The following LRRC47 variants were observed in gnomAD, a reference collection of about 807,000 sequenced individuals.
LRRC47 encodes the protein leucine rich repeat containing 47, also known as leucine-rich repeat-containing protein 47.
Under a neutral mutation model 40.9 loss-of-function variants are expected in LRRC47, and 31 were observed. The ratio of observed to expected loss-of-function variants is 0.76; its 90% confidence interval spans 0.57 to 1.02. The LOEUF is 1.02. Among genes scored for constraint, LRRC47 ranks in the 50% least tolerant of loss-of-function variants. LRRC47 has a pLI of 0.00. For synonymous variants in LRRC47, 427 were observed against 371.9 expected (o/e 1.15, Z -1.70); for missense variants, 726 against 796.1 (o/e 0.91, Z 1.06).
In LRRC47 at chr1:3,784,638, C is replaced by A. The variant is rs79196914; in HGVS notation, c.1194+449G>T. ...CACAGCTGTGCACCGCTTCGAGTAA[C>A]CGCAAACGCGGTCTGTTTCATTATT... On this transcript the variant is annotated intron_variant, in intron 3 of 6. Coordinates refer to ENST00000378251, the MANE Select transcript of LRRC47 (RefSeq NM_020710.3). 1.8e-3 allele frequency among the ~76,000 whole-genome samples: 281 copies of A among 152,364 alleles called. 1 individual carries two copies. Among genetic ancestry groups the A allele is most frequent in the Middle Eastern group, 3.4e-3 (1 of 294 alleles).
Position 3,780,891 on chromosome 1 carries a change from G to A in LRRC47, c.*197C>T, listed in dbSNP as rs568176088. 3.8e-5 allele frequency: 28 copies of A among 732,272 alleles called. No homozygotes were observed. In the South Asian group the frequency reaches 4.8e-4, roughly 13 times the overall value. 45.4% of individuals were successfully genotyped at this position (732,272 alleles called of 1,614,324 possible). A position where few individuals can be genotyped will look rare whatever the true frequency, so the allele number is the denominator to read the frequency against. ...CTTGGGAGGCTGAGGCAGGAGAATC[G>A]CTTGAACCCAGGAGACACAGGCTGC... On this transcript the variant is annotated 3_prime_UTR_variant, in exon 7 of 7. Coordinates refer to ENST00000378251, the MANE Select transcript of LRRC47 (RefSeq NM_020710.3).
rs1476783315 is a variant in LRRC47 at position 3,778,643 on chromosome 1, T to C, written c.*2445A>G. 6.5e-6 allele frequency: 1 copy of C among 153,520 alleles called. No homozygotes were observed. Among genetic ancestry groups the C allele is most frequent in the Non-Finnish European group, 1.5e-5 (1 of 68,228 alleles). 9.5% of individuals were successfully genotyped at this position (153,520 alleles called of 1,614,324 possible). Reference sequence around the variant, plus strand: ...AGAGACACCTGTGCTGCGAGTTAAATACATTTCCAGCATCTCACGCATCAC... The same window carrying C: ...AGAGACACCTGTGCTGCGAGTTAAACACATTTCCAGCATCTCACGCATCAC... On this transcript the variant is annotated 3_prime_UTR_variant, in exon 7 of 7. Coordinates refer to ENST00000378251, the MANE Select transcript of LRRC47 (RefSeq NM_020710.3).
chr1:3,780,211 ACAAGC>A lies in LRRC47; in HGVS notation c.*872_*876del, dbSNP rs1643505090. On this transcript the variant is annotated 3_prime_UTR_variant, in exon 7 of 7. Transcript: ENST00000378251. ...TGCTGTGTGATCACAGAGTCTTTAC[ACAAGC>A]CTCGATGGTGCATGTAGTTTTATTT... 3.3e-5 allele frequency: 5 copies of A among 152,190 alleles called. No homozygotes were observed. The highest frequency in any genetic ancestry group is 1.2e-4 in the African/African-American group (5 of 41,440). 9.4% of individuals were successfully genotyped at this position (152,190 alleles called of 1,614,324 possible).
intron 4 of LRRC47, 24 bp downstream of exon 4, chr1:3,783,972 C>A: frequency 1.3e-6 from 2 of 1,585,118 alleles, no homozygotes; most frequent in East Asian, 2.3e-5. Context: ...GGCCCGGCCC[C>A]ACCCCACCAG....
rs867113089 is a variant in LRRC47 at position 3,790,415 on chromosome 1, G to A, written c.616-3105C>T. Among the ~76,000 whole-genome samples the A allele has an allele frequency of 2.6e-4, 39 of 152,218 alleles. 1 individual carries two copies. The highest frequency in any genetic ancestry group is 8.0e-4 in the African/African-American group (33 of 41,456). Reference sequence around the variant, plus strand: ...GAAAGGATGTCTTTACTAAGGCACCGTCCTGCCCACATCAGCTGTTCAGGT... The same window carrying A: ...GAAAGGATGTCTTTACTAAGGCACCATCCTGCCCACATCAGCTGTTCAGGT... On this transcript the variant is annotated intron_variant, in intron 1 of 6. Transcript: ENST00000378251.
rs373817180 is a variant in LRRC47 at position 3,786,838 on chromosome 1, C to G, written c.1077+11G>C. 1.3e-6 allele frequency: 2 copies of G among 1,571,262 alleles called. No homozygotes were observed. The highest frequency in any genetic ancestry group is 1.2e-5 in the South Asian group (1 of 85,102). On this transcript the variant is annotated intron_variant, in intron 2 of 6. Transcript: ENST00000378251. Reference sequence around the variant, plus strand: ...TGTCCCAGTCATCTGAGGACCCCCACGGGCACCCACCTGCGAGGTGAGGAA... The same window carrying G: ...TGTCCCAGTCATCTGAGGACCCCCAGGGGCACCCACCTGCGAGGTGAGGAA...
intron 1 of LRRC47, among the ~76,000 whole-genome samples, chr1:3,794,972 T>C (rs943141396): frequency 6.9e-6 from 1 of 143,966 alleles, no homozygotes; most frequent in Non-Finnish European, 1.5e-5. Context: ...AAGAACCGCT[T>C]GAACCCGGGA....
At chr1:3,786,815 T>TC in intron 2 of LRRC47, 34 bp downstream of exon 2, 1 of 1,535,962 alleles carries the variant, frequency 6.5e-7, no homozygotes, top group Middle Eastern at 2.0e-4. Flanking sequence ...CACACCTCTG[T>TC]CCCAGTCATC....
In LRRC47 at chr1:3,786,921, G is replaced by A; in HGVS notation, c.1005C>T (p.Tyr335=). The A allele has an allele frequency of 1.2e-6, 2 of 1,607,594 alleles. No homozygotes were observed. Among genetic ancestry groups the A allele is most frequent in the Non-Finnish European group, 1.7e-6 (2 of 1,177,286 alleles). ...TGCCTCGCACCACGGCCCCCACAAT[G>A]TAGGGCCGCACATCCCGGACCTCGG... ...VSPEVRDVRP[Y]IVGAVVRGMD... is the part of the protein sequence containing the mutation. Residue 335 remains tyrosine (Y), a synonymous_variant, in exon 2 of 7, where the codon TAC becomes TAT. Transcript: ENST00000378251.
chr1:3,785,934 A>G (rs889117241), intron 2 of LRRC47, among the ~76,000 whole-genome samples: 31 of 151,168 alleles, frequency 2.1e-4, no homozygotes, highest in Admixed American at 2.0e-3. Flanking sequence ...CGGTGGTGCA[A>G]TCTTGGCTCA....
chr1:3,784,286 C>G (rs2298228), intron 3 of LRRC47, 175 bp from the exon 4 acceptor site: 15,783 of 607,902 alleles, frequency 0.026, 471 homozygotes, highest in East Asian at 0.12. Flanking sequence ...TGTGGGCTGC[C>G]ACTGCAGCGT....
intron 1 of LRRC47, among the ~76,000 whole-genome samples, chr1:3,789,106 G>A (rs1264996020): frequency 6.6e-6 from 1 of 152,266 alleles, no homozygotes; most frequent in Non-Finnish European, 1.5e-5. Flanking sequence ...TGGAATCCAG[G>A]TGGCCTCACA....
intron 3 of LRRC47, 73 bp downstream of exon 3, chr1:3,785,014 C>T: frequency 8.4e-7 from 1 of 1,189,648 alleles, no homozygotes; most frequent in Non-Finnish European, 1.2e-6. Context: ...AAAGTTCGGG[C>T]TGCAGTAGCA....
chr1:3,783,068 G>A (rs1253740066), intron 4 of LRRC47: 11 of 274,454 alleles, frequency 4.0e-5, no homozygotes, highest in Non-Finnish European at 7.6e-5. Context: ...CCTATGATTA[G>A]CCACCTCACT....
Position 3,795,853 on chromosome 1 carries a change from C to G in LRRC47, c.615+9G>C. The G allele has an allele frequency of 6.4e-7, 1 of 1,563,878 alleles. No homozygotes were observed. Among genetic ancestry groups the G allele is most frequent in the Non-Finnish European group, 8.6e-7 (1 of 1,161,914 alleles). On this transcript the variant is annotated intron_variant, in intron 1 of 6. Transcript: ENST00000378251. ...CCCATCCCGCCCCGCCCGGGCAGCC[C>G]CCGCTGACCTTGAGCGAGGCCAGGT... is the stretch of plus-strand genomic sequence containing the variant.
intron 2 of LRRC47, among the ~76,000 whole-genome samples, chr1:3,786,043 T>A (rs1461249136): frequency 6.6e-6 from 1 of 151,938 alleles, no homozygotes; most frequent in Non-Finnish European, 1.5e-5. Context: ...CTAATTTTTG[T>A]GTTTTCGGTA....
intron 1 of LRRC47, among the ~76,000 whole-genome samples, chr1:3,792,464 C>CTTT (rs34288803): frequency 0.11 from 15,965 of 142,296 alleles, 1,167 homozygotes; most frequent in African/African-American, 0.13. Flanking sequence ...TGGACGCACA[C>CTTT]TTTTTTTTTT....
At position 3,796,361 on chromosome 1, in the gene LRRC47, C is replaced by T. The variant is rs1285709730; in HGVS notation, c.116G>A (p.Gly39Asp). The change falls in exon 1 of 7, where the codon GGT (glycine) becomes GAT (aspartate). Residue 39 changes from glycine (G) to aspartate (D), a missense_variant. Physicochemically the swap from Gly to Asp is moderately conservative, Grantham distance 94. Transcript: ENST00000378251. ...GAAAAGCCGCGGCGGCAGCTGCCCACCCGCCGCCCGCACTCGCTCCTCCAG... is the reference window on the plus strand; with the variant it reads ...GAAAAGCCGCGGCGGCAGCTGCCCATCCGCCGCCCGCACTCGCTCCTCCAG... ...PGLEERVRAA[G>D]GQLPPRLFTL... 9 of 1,511,048 alleles carry T rather than the reference C, an allele frequency of 6.0e-6. No individual in the cohort carries two copies. In the East Asian group the frequency reaches 2.1e-4, roughly 36 times the overall value. 93.6% of individuals were successfully genotyped at this position (1,511,048 alleles called of 1,614,324 possible).
chr1:3,783,874 T>C, intron 4 of LRRC47, 122 bp downstream of exon 4: 1 of 741,706 alleles, frequency 1.3e-6, no homozygotes, highest in Non-Finnish European at 2.2e-6. Context: ...TTGTACCCTG[T>C]TAAGAAGCTT....
Sources: allele counts gnomAD v4.1 joint callset (sites outside exome capture counted in the v4.1 genomes callset), GRCh38; gene constraint gnomAD v4.1.1; transcripts MANE v1.5; gene names NCBI Gene and HGNC (gene_info 2026-07-23, HGNC 2026-07-21).